UAP1: variants seen among roughly 807,000 people sequenced by gnomAD.
UAP1 encodes UDP-N-acetylglucosamine pyrophosphorylase 1.
UAP1 carries 25 observed loss-of-function variants against 58.5 expected under a neutral mutation model. The observed-to-expected ratio is 0.43, with a 90% CI of 0.31 to 0.60. The LOEUF (loss-of-function observed/expected upper bound fraction) is 0.60. Ranked by LOEUF, UAP1 falls within the 20% of genes least tolerant of loss-of-function variation. The pLI is 0.11. For synonymous variants in UAP1, 208 were observed against 213.0 expected (o/e 0.98, Z 0.21); for missense variants, 575 against 630.0 (o/e 0.91, Z 0.93).
chr1:162,582,980 G>A (rs953627193), intron 5 of UAP1, among the ~76,000 whole-genome samples: 30 of 80,246 alleles, frequency 3.7e-4, no homozygotes, highest in Non-Finnish European at 5.4e-4. Context: ...TATCTGAACT[G>A]TATTTTTTTT....
At chr1:162,584,049 A>G (rs1260985411) in intron 5 of UAP1, among the ~76,000 whole-genome samples, 2 of 152,246 alleles carry the variant, frequency 1.3e-5, no homozygotes, top group Admixed American at 1.3e-4. Context: ...ATATTACATT[A>G]TAGAACCATA....
rs1050204791 is a variant in UAP1 at position 162,562,703 on chromosome 1, A to G, written c.-58+926A>G. On this transcript the variant is annotated intron_variant, in intron 1 of 10. Transcript: ENST00000271469. ...CGCCGGAAACTCAAGGCAGTTGTCT[A>G]TTCCTTCACGGTTAGTCAGTTGGCT... 6.6e-5 allele frequency among the ~76,000 whole-genome samples: 10 copies of G among 152,308 alleles called. No individual in the cohort carries two copies. In the East Asian group the frequency reaches 9.6e-4, roughly 15 times the overall value.
intron 1 of UAP1, among the ~76,000 whole-genome samples, chr1:162,562,123 G>A: frequency 6.6e-6 from 1 of 152,242 alleles, no homozygotes; most frequent in South Asian, 2.1e-4. Context: ...AGTCCGAGGG[G>A]GTCGTGTAGG....
At chr1:162,583,379 G>A (rs543413027) in intron 5 of UAP1, among the ~76,000 whole-genome samples, 1 of 151,634 alleles carries the variant, frequency 6.6e-6, no homozygotes, top group African/African-American at 2.4e-5. Flanking sequence ...GGTCTCGAAC[G>A]CCTGACCTCA....
At chr1:162,590,558 T>C in intron 8 of UAP1, 47 bp downstream of exon 8, 1 of 1,498,822 alleles carries the variant, frequency 6.7e-7, no homozygotes, top group South Asian at 1.3e-5. Context: ...TCTTGGACTT[T>C]TCCTCTTGGA....
exon 4 of UAP1, chr1:162,579,537 C>G: frequency 6.2e-7 from 1 of 1,610,158 alleles, no homozygotes; most frequent in Non-Finnish European, 8.5e-7. Flanking sequence ...GCAAGGAATG[C>G]TCCCCGCCAT....
chr1:162,563,943 A>G (rs1275639199), intron 1 of UAP1, among the ~76,000 whole-genome samples: 4 of 152,156 alleles, frequency 2.6e-5, no homozygotes, highest in Non-Finnish European at 4.4e-5. Flanking sequence ...GGGACTTCCT[A>G]TTCTTTGGTT....
chr1:162,586,949 C>A (rs1417609316), intron 5 of UAP1, among the ~76,000 whole-genome samples: 1 of 152,140 alleles, frequency 6.6e-6, no homozygotes, highest in African/African-American at 2.4e-5. Flanking sequence ...AACCCCTTTA[C>A]CTCCTACTCA....
At position 162,571,819 on chromosome 1, in the gene UAP1, G is replaced by A. The variant is rs74116763; in HGVS notation, c.281-4958G>A. 7.7e-3 allele frequency among the ~76,000 whole-genome samples: 1,175 copies of A among 152,212 alleles called. 9 individuals carry two copies. The highest frequency in any genetic ancestry group is 0.026 in the African/African-American group (1,088 of 41,524). ...TTTTGATAAACATTGCAACTTTATC[G>A]TAGTAACAGCTGAAGTAGATGAGTA... On this transcript the variant is annotated intron_variant, in intron 2 of 10. Transcript: ENST00000271469.
intron 8 of UAP1, among the ~76,000 whole-genome samples, chr1:162,590,952 T>C (rs1365081981): frequency 6.8e-6 from 1 of 147,856 alleles, no homozygotes; most frequent in African/African-American, 2.5e-5. Context: ...TGAGACAGAG[T>C]CTTGCTTTGT....
chr1:162,566,530 C>G (rs1460805382), intron 2 of UAP1, among the ~76,000 whole-genome samples, 182 bp downstream of exon 2: 1 of 152,126 alleles, frequency 6.6e-6, no homozygotes, highest in Non-Finnish European at 1.5e-5. Context: ...TCATTCAAGT[C>G]TTAATTTGCC....
At chr1:162,579,759 C>T (rs184768494) in intron 4 of UAP1, among the ~76,000 whole-genome samples, 156 bp downstream of exon 4, 1 of 152,212 alleles carries the variant, frequency 6.6e-6, no homozygotes, top group African/African-American at 2.4e-5. Context: ...TGAAAATGCC[C>T]GTTGGTGTAA....
chr1:162,591,073 C>T (rs1655280372), intron 8 of UAP1, among the ~76,000 whole-genome samples: 1 of 151,954 alleles, frequency 6.6e-6, no homozygotes, highest in Admixed American at 6.6e-5. Flanking sequence ...TATACAGGCA[C>T]ATGCCACCAC....
chr1:162,586,886 G>A (rs1157189995), intron 5 of UAP1, among the ~76,000 whole-genome samples: 2 of 152,040 alleles, frequency 1.3e-5, no homozygotes, highest in Non-Finnish European at 2.9e-5. Flanking sequence ...GATAAATATG[G>A]GTGGGTTTTC....
intron 9 of UAP1, among the ~76,000 whole-genome samples, chr1:162,595,862 T>C (rs2101843714): frequency 6.6e-6 from 1 of 152,310 alleles, no homozygotes; most frequent in African/African-American, 2.4e-5. Flanking sequence ...ATTGTTATTA[T>C]TATTTTTGAG....
chr1:162,579,357 A>G (rs1654403607), intron 3 of UAP1, 71 bp from the exon 4 acceptor site: 2 of 1,151,904 alleles, frequency 1.7e-6, no homozygotes, highest in East Asian at 5.5e-5. Flanking sequence ...AGCTTAGGAA[A>G]TAGACGAAAC....
In UAP1 at chr1:162,587,879, A is replaced by G. The variant is rs568264222; in HGVS notation, c.1028+211A>G. Reference sequence around the variant, plus strand: ...ATCATCGGAGCCCATTCCCCAGCGCATTAATGGGAGGCCAAAGCATTTCTC... The same window carrying G: ...ATCATCGGAGCCCATTCCCCAGCGCGTTAATGGGAGGCCAAAGCATTTCTC... On this transcript the variant is annotated intron_variant, in intron 6 of 10. Transcript: ENST00000271469. 1.5e-5 allele frequency: 7 copies of G among 474,506 alleles called. No individual in the cohort carries two copies. In the Admixed American group the frequency reaches 2.5e-4, roughly 17 times the overall value. The allele number at this position is 474,506 out of a possible 1,614,324, so 29.4% of individuals were successfully genotyped here.
intron 8 of UAP1, among the ~76,000 whole-genome samples, chr1:162,592,416 A>G (rs1655370967): frequency 6.6e-6 from 1 of 152,238 alleles, no homozygotes; most frequent in East Asian, 1.9e-4. Context: ...GTTAGAGAAC[A>G]CTGAACATTG....
At chr1:162,577,829 C>T (rs781579139) in intron 3 of UAP1, among the ~76,000 whole-genome samples, 2 of 151,972 alleles carry the variant, frequency 1.3e-5, no homozygotes, top group African/African-American at 2.4e-5. Flanking sequence ...TCAAGCTGGT[C>T]TTGAACTCCT....
Sources: gnomAD v4.1 joint callset for allele counts (sites outside exome capture counted in the v4.1 genomes callset) on GRCh38, gnomAD v4.1.1 for gene constraint, MANE v1.5 for transcripts, NCBI Gene and HGNC (gene_info 2026-07-23, HGNC 2026-07-21) for gene names.